The following KIF24 variants were observed in gnomAD, a reference collection of about 807,000 sequenced individuals.
KIF24 encodes kinesin-like protein KIF24.
In KIF24, 81 loss-of-function variants were observed where a neutral mutation model predicts 118.9. That is an observed-to-expected ratio of 0.68 (90% confidence interval 0.57 to 0.82). The LOEUF is 0.82. KIF24 is among the 40% of genes least tolerant of loss of function. The pLI is 0.00. For synonymous variants in KIF24, 599 were observed against 610.0 expected (o/e 0.98, Z 0.27); for missense variants, 1,560 against 1,661.6 (o/e 0.94, Z 1.06).
At chr9:34,295,081 T>C (rs1836410793) in intron 4 of KIF24, among the ~76,000 whole-genome samples, 1 of 152,204 alleles carries the variant, frequency 6.6e-6, no homozygotes. Context: ...AGCAGGCTAC[T>C]TGGCATTTTC....
At chr9:34,320,658 C>CAAAAAAAAAAAAAAAAAAAAAAAAA (rs68048466) in intron 1 of KIF24, among the ~76,000 whole-genome samples, 1 of 54,442 alleles carries the variant, frequency 1.8e-5, no homozygotes, top group Non-Finnish European at 3.1e-5. Flanking sequence ...AACTCCTTCT[C>CAAAAAAAAAAAAAAAAAAAAAAAAA]AAAAAAAAAA....
At position 34,311,780 on chromosome 9, in the gene KIF24, A is replaced by G. The variant is rs180789816; in HGVS notation, c.-25-409T>C. On this transcript the variant is annotated intron_variant, in intron 1 of 12. Coordinates refer to ENST00000402558, the MANE Select transcript of KIF24 (RefSeq NM_194313.4). ...TGTGTATATATACATATATATACAC[A>G]TATATATACACACACATATATATAT... Among the ~76,000 whole-genome samples the G allele has an allele frequency of 3.5e-3, 524 of 149,940 alleles. 5 individuals carry two copies. Among genetic ancestry groups the G allele is most frequent in the African/African-American group, 0.012 (489 of 41,032 alleles).
chr9:34,305,672 T>C (rs186521628), intron 3 of KIF24, among the ~76,000 whole-genome samples: 4 of 152,336 alleles, frequency 2.6e-5, no homozygotes, highest in Non-Finnish European at 5.9e-5. Flanking sequence ...GGTGCAATCA[T>C]AGCTCACTGT....
chr9:34,327,806 G>A (rs975639284), intron 1 of KIF24, among the ~76,000 whole-genome samples: 5 of 150,560 alleles, frequency 3.3e-5, no homozygotes, highest in Non-Finnish European at 7.4e-5. Flanking sequence ...GTGCACTACA[G>A]CCTGGGTGAC....
At chr9:34,293,609 A>G (rs1421995034) in intron 4 of KIF24, among the ~76,000 whole-genome samples, 1 of 151,986 alleles carries the variant, frequency 6.6e-6, no homozygotes, top group Non-Finnish European at 1.5e-5. Context: ...CCCCGTCTCT[A>G]CTAAAAAATA....
At position 34,290,358 on chromosome 9, in the gene KIF24, T is replaced by C. The variant is rs1836210151; in HGVS notation, c.943A>G (p.Thr315Ala). 7 of 1,613,100 alleles carry C rather than the reference T, an allele frequency of 4.3e-6. No homozygotes were observed. The highest frequency in any genetic ancestry group is 5.1e-6 in the Non-Finnish European group (6 of 1,179,274). The change falls in exon 5 of 13, where the codon ACA becomes GCA. Residue 315 changes from threonine to alanine, a missense_variant. By Grantham distance (58) the Thr-to-Ala change is moderately conservative (BLOSUM62 0). Around this residue, in one of 3 missense-constraint regions of KIF24, gnomAD observed 964 missense variants for 988.0 expected, o/e 0.98. Transcript: ENST00000402558. ...ATGGTGTAGGTCTTTCCAGCACCTG[T>C]CTGTCCATAAGCAAAGCAAGTGGCA... ...GNATCFAYGQ[T>A]GAGKTYTMIG...
At chr9:34,285,578 T>C (rs1051127896) in intron 6 of KIF24, among the ~76,000 whole-genome samples, 2 of 151,726 alleles carry the variant, frequency 1.3e-5, no homozygotes, top group African/African-American at 2.4e-5. Context: ...ATCGAGACCA[T>C]TCTGGCAAAC....
At chr9:34,299,828 G>A (rs1238591027) in intron 3 of KIF24, among the ~76,000 whole-genome samples, 2 of 91,708 alleles carry the variant, frequency 2.2e-5, no homozygotes, top group East Asian at 2.2e-4. Context: ...GTGTGCGTGT[G>A]TGTGTGTGTG....
chr9:34,287,269 C>T (rs1012219076), intron 5 of KIF24, among the ~76,000 whole-genome samples: 1 of 152,222 alleles, frequency 6.6e-6, no homozygotes, highest in Non-Finnish European at 1.5e-5. Flanking sequence ...TGAAGCCTGA[C>T]TGTCCTCTAA....
chr9:34,255,728 A>G lies in KIF24; in HGVS notation c.3872+7T>C. ...GGCTCAAGTCTTAGGGAAAGTGTCC[A>G]ACTTACTGCGCTTGCTCCAGGGTGG... On this transcript the variant is annotated splice_region_variant and intron_variant, in intron 11 of 12. Transcript: ENST00000402558. 6.2e-7 allele frequency: 1 copy of G among 1,601,510 alleles called. No individual in the cohort carries two copies. Among genetic ancestry groups the G allele is most frequent in the Non-Finnish European group, 8.5e-7 (1 of 1,173,362 alleles).
In KIF24 at chr9:34,252,407, T is replaced by C. The variant is rs977285207; in HGVS notation, c.*1973A>G. 3 of 152,660 alleles carry C rather than the reference T, an allele frequency of 2.0e-5. No individual in the cohort carries two copies. The highest frequency in any genetic ancestry group is 7.2e-5 in the African/African-American group (3 of 41,460). The allele number at this position is 152,660 out of a possible 1,614,324, so 9.5% of individuals were successfully genotyped here. On this transcript the variant is annotated 3_prime_UTR_variant, in exon 13 of 13. Transcript: ENST00000402558. ...AGTCTCTCTGGTTTGTTTTGTATTA[T>C]GTTGTACATCATTAAAGATCTAAAT...
In KIF24 at chr9:34,314,652, A is replaced by C. The variant is rs118096907; in HGVS notation, c.-25-3281T>G. 3.1e-3 allele frequency among the ~76,000 whole-genome samples: 474 copies of C among 152,356 alleles called. 1 individual carries two copies. Among genetic ancestry groups the C allele is most frequent in the Non-Finnish European group, 5.5e-3 (375 of 68,030 alleles). On this transcript the variant is annotated intron_variant, in intron 1 of 12. Transcript: ENST00000402558. ...CTATCAAAATTACAAATGCAAATGC[A>C]CTGATCCAGCAATTCTACCTCTAGG...
At chr9:34,261,106 A>G (rs1445872197) in intron 9 of KIF24, among the ~76,000 whole-genome samples, 2 of 152,236 alleles carry the variant, frequency 1.3e-5, no homozygotes, top group African/African-American at 4.8e-5. Flanking sequence ...ACCAACTGTG[A>G]TGGGTAAGGA....
chr9:34,257,025 C>T lies in KIF24; in HGVS notation c.2582G>A (p.Trp861Ter). 2 of 1,614,034 alleles carry T rather than the reference C, an allele frequency of 1.2e-6. No individual in the cohort carries two copies. The highest frequency in any genetic ancestry group is 1.7e-6 in the Non-Finnish European group (2 of 1,179,900). Residue 861 changes from tryptophan to a stop codon, truncating the protein, a stop_gained, in exon 11 of 13, where the codon TGG becomes TAG. Coordinates refer to ENST00000402558, the MANE Select transcript of KIF24 (RefSeq NM_194313.4). LOFTEE classifies it high-confidence loss of function. ...CACCTGCTTCTCAGGACCCTGTCCC[C>T]ACGTCTGGTGCAGGAAGAATGAGTC... ...SEDSFFLHQT[W>*]GQGPEKQVAE...
intron 9 of KIF24, among the ~76,000 whole-genome samples, chr9:34,262,675 AATATAT>A (rs1428160924): frequency 8.9e-4 from 24 of 27,068 alleles, no homozygotes; most frequent in African/African-American, 4.0e-3. Flanking sequence ...AAAAAAAAAA[AATATAT>A]ATATATATAT....
chr9:34,328,998 C>G (rs1186997595), intron 1 of KIF24, among the ~76,000 whole-genome samples, 108 bp downstream of exon 1: 1 of 152,338 alleles, frequency 6.6e-6, no homozygotes, highest in East Asian at 1.9e-4. Context: ...TCACAACTGC[C>G]AGTTTCCTCC....
intron 2 of KIF24, 58 bp from the exon 3 acceptor site, chr9:34,306,499 G>A: frequency 1.6e-6 from 2 of 1,221,230 alleles, no homozygotes; most frequent in Non-Finnish European, 2.3e-6. Context: ...TTACTTAACA[G>A]GTCAAAGTAT....
chr9:34,299,820 G>A (rs1836629222), intron 3 of KIF24, among the ~76,000 whole-genome samples: 1 of 55,718 alleles, frequency 1.8e-5, no homozygotes, highest in East Asian at 8.3e-4. Context: ...GTGTGTGTGT[G>A]TGCGTGTGTG....
chr9:34,319,189 C>G, intron 1 of KIF24: 1 of 1,605,168 alleles, frequency 6.2e-7, no homozygotes. Context: ...CCCTGGCCCA[C>G]AAGCTCTCCA....
Sources: gnomAD v4.1 joint callset for allele counts (sites outside exome capture counted in the v4.1 genomes callset) on GRCh38, gnomAD v4.1.1 for gene constraint, gnomAD v4.1.1 regional missense constraint, MANE v1.5 for transcripts, NCBI Gene and HGNC (gene_info 2026-07-23, HGNC 2026-07-21) for gene names.